Variants in LUZP2 observed in about 807,000 individuals in gnomAD.
LUZP2 encodes leucine zipper protein 2.
In LUZP2, 52 loss-of-function variants were observed where a neutral mutation model predicts 51.6. The observed-to-expected ratio is 1.01, with a 90% CI of 0.81 to 1.27. The LOEUF (loss-of-function observed/expected upper bound fraction) is 1.27. LUZP2 is among the 50% of genes most tolerant of loss of function. LUZP2 has a pLI of 0.00. For missense variants in LUZP2, 436 were observed against 395.4 expected (o/e 1.10, Z -0.87); for synonymous variants, 154 against 137.3 (o/e 1.12, Z -0.85).
At chr11:24,618,055 G>A (rs949220916) in intron 1 of LUZP2, among the ~76,000 whole-genome samples, 50 of 151,960 alleles carry the variant, frequency 3.3e-4, no homozygotes, top group African/African-American at 1.2e-3. Flanking sequence ...CTGACACCCT[G>A]TGGAAAAAAG....
chr11:24,615,174 C>T (rs949778313), intron 1 of LUZP2, among the ~76,000 whole-genome samples: 2 of 151,754 alleles, frequency 1.3e-5, no homozygotes, highest in Non-Finnish European at 2.9e-5. Context: ...TACCTTCACC[C>T]AGTTTCTCTA....
intron 5 of LUZP2, among the ~76,000 whole-genome samples, chr11:24,870,604 T>C (rs2134266046): frequency 6.6e-6 from 1 of 152,188 alleles, no homozygotes; most frequent in Admixed American, 6.6e-5. Flanking sequence ...GAGTAAGGAC[T>C]TGAGTAAAGA....
At chr11:24,828,722 G>A (rs71478107) in intron 5 of LUZP2, among the ~76,000 whole-genome samples, 12 of 152,170 alleles carry the variant, frequency 7.9e-5, no homozygotes, top group African/African-American at 2.7e-4. Flanking sequence ...CTGTAAGCTG[G>A]AGGTGGAGGA....
intron 1 of LUZP2, among the ~76,000 whole-genome samples, chr11:24,503,700 T>C (rs1022246859): frequency 6.6e-6 from 1 of 152,176 alleles, no homozygotes; most frequent in African/African-American, 2.4e-5. Context: ...GACTGAGACT[T>C]GCCCAAGGTC....
At chr11:24,847,567 A>T (rs1474871855) in intron 5 of LUZP2, among the ~76,000 whole-genome samples, 2 of 152,240 alleles carry the variant, frequency 1.3e-5, no homozygotes, top group South Asian at 2.1e-4. Context: ...GGTCTTTACC[A>T]TTGTTGCCTG....
At chr11:24,809,406 ATGCCATTC>A (rs1849952779) in intron 5 of LUZP2, among the ~76,000 whole-genome samples, 1 of 152,126 alleles carries the variant, frequency 6.6e-6, no homozygotes, top group South Asian at 2.1e-4. Flanking sequence ...CTCTTTCAGC[ATGCCATTC>A]TATTCCCATT....
At chr11:24,686,009 T>TA (rs1311564630) in intron 1 of LUZP2, among the ~76,000 whole-genome samples, 1 of 152,160 alleles carries the variant, frequency 6.6e-6, no homozygotes, top group Non-Finnish European at 1.5e-5. Flanking sequence ...GACACTCTTA[T>TA]ATAGTGTTGT....
chr11:24,773,065 C>T (rs888866627), intron 5 of LUZP2, among the ~76,000 whole-genome samples: 4 of 135,718 alleles, frequency 2.9e-5, no homozygotes, highest in African/African-American at 1.1e-4. Context: ...TTTGTATATT[C>T]CTCATAAACA....
chr11:24,692,771 T>C (rs1857115745), intron 1 of LUZP2, among the ~76,000 whole-genome samples: 1 of 151,970 alleles, frequency 6.6e-6, no homozygotes, highest in African/African-American at 2.4e-5. Flanking sequence ...CAAATTAAAC[T>C]AAGTGTTACT....
chr11:24,955,058 C>T (rs1220983227), intron 7 of LUZP2, among the ~76,000 whole-genome samples: 1 of 151,962 alleles, frequency 6.6e-6, no homozygotes, highest in Non-Finnish European at 1.5e-5. Flanking sequence ...ATACTGTACA[C>T]GTGGGTCAAA....
intron 1 of LUZP2, among the ~76,000 whole-genome samples, chr11:24,632,135 C>T (rs988986550): frequency 3.3e-5 from 5 of 151,898 alleles, no homozygotes; most frequent in Non-Finnish European, 7.4e-5. Flanking sequence ...TTAATACTTA[C>T]CAACTCACTA....
intron 5 of LUZP2, among the ~76,000 whole-genome samples, chr11:24,889,112 C>A (rs1852766302): frequency 6.6e-6 from 1 of 152,110 alleles, no homozygotes; most frequent in Non-Finnish European, 1.5e-5. Context: ...CTTACAGAAG[C>A]CAAAAGGGGA....
intron 1 of LUZP2, among the ~76,000 whole-genome samples, chr11:24,586,114 G>A (rs980941496): frequency 1.3e-5 from 2 of 152,112 alleles, no homozygotes; most frequent in East Asian, 3.9e-4. Flanking sequence ...AAACCACAGA[G>A]AATTGATGTG....
In LUZP2 at chr11:25,079,746, A is replaced by G. The variant is rs1254828635; in HGVS notation, c.*1088A>G. The G allele has an allele frequency of 1.3e-5, 2 of 152,180 alleles. No homozygotes were observed. Among genetic ancestry groups the G allele is most frequent in the African/African-American group, 4.8e-5 (2 of 41,466 alleles). 9.4% of individuals were successfully genotyped at this position (152,180 alleles called of 1,614,324 possible). ...ATAGGGCATTCAAAGTTGCAGACTCAGTTAATGACTACAGTTAAGTTGTCT... is the reference window on the plus strand; with the variant it reads ...ATAGGGCATTCAAAGTTGCAGACTCGGTTAATGACTACAGTTAAGTTGTCT... On this transcript the variant is annotated 3_prime_UTR_variant, in exon 12 of 12. Transcript: ENST00000336930.
At chr11:24,723,087 A>G (rs79350304) in intron 1 of LUZP2, among the ~76,000 whole-genome samples, 2,686 of 152,276 alleles carry the variant, frequency 0.018, 64 homozygotes, top group African/African-American at 0.061. Context: ...ATGAGTGAGC[A>G]TTTTATAAAG....
chr11:24,608,204 A>T (rs1853999442), intron 1 of LUZP2, among the ~76,000 whole-genome samples: 1 of 152,264 alleles, frequency 6.6e-6, no homozygotes, highest in East Asian at 1.9e-4. Context: ...AAAGTTTAAT[A>T]ATCTCTGTCC....
intron 1 of LUZP2, among the ~76,000 whole-genome samples, chr11:24,667,293 C>T (rs1384492925): frequency 2.7e-5 from 4 of 150,696 alleles, no homozygotes; most frequent in Admixed American, 6.6e-5. Flanking sequence ...AAGCGATTCT[C>T]CTGCCTCAGT....
intron 1 of LUZP2, among the ~76,000 whole-genome samples, chr11:24,571,724 T>G (rs554019552): frequency 1.3e-5 from 2 of 152,228 alleles, no homozygotes; most frequent in East Asian, 3.9e-4. Context: ...AACTCTGTGA[T>G]TTTTGAAGTT....
chr11:24,926,560 TGTGTATATATATAC>T (rs1418318245), intron 7 of LUZP2, among the ~76,000 whole-genome samples: 2 of 148,340 alleles, frequency 1.3e-5, no homozygotes, highest in African/African-American at 2.5e-5. Flanking sequence ...TATATATGTG[TGTGTATATATATAC>T]GTGTATATAT....
Sources: gnomAD v4.1 joint callset for allele counts (sites outside exome capture counted in the v4.1 genomes callset) on GRCh38, gnomAD v4.1.1 for gene constraint, MANE v1.5 for transcripts, NCBI Gene and HGNC (gene_info 2026-07-23, HGNC 2026-07-21) for gene names.